Variants in DPYD observed in about 807,000 individuals in gnomAD.
DPYD encodes dihydropyrimidine dehydrogenase [NADP(+)].
A neutral mutation model predicts 116.2 loss-of-function variants in DPYD; 109 were observed. That is an observed-to-expected ratio of 0.94 (90% CI 0.80 to 1.10). The LOEUF (loss-of-function observed/expected upper bound fraction) is 1.10. Ranked by LOEUF, DPYD falls within the 50% of genes least tolerant of loss-of-function variation. The pLI is 0.00. For missense variants in DPYD, 1,302 were observed against 1,254.5 expected (o/e 1.04, Z -0.57); for synonymous variants, 440 against 432.0 (o/e 1.02, Z -0.23).
intron 16 of DPYD, among the ~76,000 whole-genome samples, chr1:97,319,952 CA>C (rs914681749): frequency 1.5e-5 from 2 of 132,020 alleles, no homozygotes; most frequent in African/African-American, 2.8e-5. Context: ...AAATGTAATA[CA>C]GCATATAAAC....
chr1:97,710,808 T>C (rs749103145), intron 5 of DPYD, among the ~76,000 whole-genome samples: 19 of 151,808 alleles, frequency 1.3e-4, no homozygotes, highest in Non-Finnish European at 2.1e-4. Flanking sequence ...TATATTACTA[T>C]GTAGCCTGTC....
At chr1:97,275,144 G>A (rs561664373) in intron 18 of DPYD, among the ~76,000 whole-genome samples, 1 of 152,278 alleles carries the variant, frequency 6.6e-6, no homozygotes, top group African/African-American at 2.4e-5. Context: ...TGGGGCAGTG[G>A]CAGGGGATGG....
intron 13 of DPYD, among the ~76,000 whole-genome samples, chr1:97,510,039 G>A (rs934960829): frequency 3.3e-5 from 5 of 151,416 alleles, no homozygotes; most frequent in Admixed American, 1.3e-4. Context: ...ATTTGGGCAG[G>A]AACAGGCTGA....
chr1:97,285,701 T>TG (rs1491491393), intron 18 of DPYD, among the ~76,000 whole-genome samples: 3 of 134,684 alleles, frequency 2.2e-5, no homozygotes, highest in East Asian at 2.2e-4. Context: ...TTTTTTTTTT[T>TG]GAGACAGGGT....
At chr1:97,555,465 C>T (rs892845460) in intron 11 of DPYD, among the ~76,000 whole-genome samples, 1 of 152,116 alleles carries the variant, frequency 6.6e-6, no homozygotes, top group Non-Finnish European at 1.5e-5. Flanking sequence ...AAACTCAGTT[C>T]ACAAGCTTCC....
chr1:97,371,907 T>G (rs1029151798), intron 16 of DPYD, among the ~76,000 whole-genome samples: 2 of 152,156 alleles, frequency 1.3e-5, no homozygotes, highest in Non-Finnish European at 2.9e-5. Flanking sequence ...TTCCAAGAGT[T>G]TTTAGAAAGC....
intron 3 of DPYD, among the ~76,000 whole-genome samples, chr1:97,744,590 T>C (rs1301806137): frequency 6.6e-6 from 1 of 152,076 alleles, no homozygotes; most frequent in Non-Finnish European, 1.5e-5. Context: ...AATCTATATA[T>C]AATGGCATTA....
intron 14 of DPYD, among the ~76,000 whole-genome samples, chr1:97,427,713 C>A (rs1372662097): frequency 6.6e-6 from 1 of 151,858 alleles, no homozygotes; most frequent in Non-Finnish European, 1.5e-5. Flanking sequence ...AAAAAAATCT[C>A]TCCCTGAAAA....
At chr1:97,567,587 G>T (rs927924224) in intron 11 of DPYD, among the ~76,000 whole-genome samples, 1 of 152,106 alleles carries the variant, frequency 6.6e-6, no homozygotes, top group African/African-American at 2.4e-5. Context: ...GAGCAGTGTG[G>T]TGCAACATGA....
intron 8 of DPYD, among the ~76,000 whole-genome samples, chr1:97,599,658 G>T (rs1315566200): frequency 6.6e-6 from 1 of 151,458 alleles, no homozygotes; most frequent in Non-Finnish European, 1.5e-5. Context: ...ACAAATCCCA[G>T]GTGTGAAGAA....
intron 14 of DPYD, among the ~76,000 whole-genome samples, chr1:97,394,602 G>T (rs1465390632): frequency 6.6e-6 from 1 of 152,036 alleles, no homozygotes; most frequent in East Asian, 1.9e-4. Context: ...TTGAAATATT[G>T]CAAGAATTAC....
At chr1:97,704,415 T>G (rs759450256) in intron 5 of DPYD, among the ~76,000 whole-genome samples, 2 of 152,046 alleles carry the variant, frequency 1.3e-5, no homozygotes, top group East Asian at 3.9e-4. Flanking sequence ...ATAGATTGTG[T>G]AAGTTAAAAA....
chr1:97,717,609 C>T (rs1662685525), intron 5 of DPYD, among the ~76,000 whole-genome samples: 1 of 151,978 alleles, frequency 6.6e-6, no homozygotes, highest in Non-Finnish European at 1.5e-5. Context: ...ATTTCTCTTC[C>T]CCCTAAGTCC....
chr1:97,491,863 A>G (rs552147847), intron 13 of DPYD, among the ~76,000 whole-genome samples: 33 of 152,180 alleles, frequency 2.2e-4, no homozygotes, highest in African/African-American at 7.5e-4. Flanking sequence ...ATAGTAGCAA[A>G]TTCAGCAATT....
At chr1:97,887,788 C>T (rs929856676) in intron 1 of DPYD, among the ~76,000 whole-genome samples, 2 of 151,944 alleles carry the variant, frequency 1.3e-5, no homozygotes, top group East Asian at 2.0e-4. Flanking sequence ...GGGAGGGACC[C>T]GGTGGGAGAT....
At chr1:97,854,304 T>A (rs908266267) in intron 2 of DPYD, among the ~76,000 whole-genome samples, 4 of 152,226 alleles carry the variant, frequency 2.6e-5, no homozygotes, top group Non-Finnish European at 5.9e-5. Flanking sequence ...GAGACTTTAA[T>A]AAGCAGCATC....
At chr1:97,625,075 TG>T (rs1656850631) in intron 8 of DPYD, among the ~76,000 whole-genome samples, 1 of 152,062 alleles carries the variant, frequency 6.6e-6, no homozygotes, top group African/African-American at 2.4e-5. Context: ...AACAGAATAC[TG>T]TACATTTCAA....
chr1:97,775,070 T>G (rs1442769564), intron 3 of DPYD: 1 of 173,648 alleles, frequency 5.8e-6, no homozygotes, highest in African/African-American at 2.4e-5. Flanking sequence ...ATTGCCAGAC[T>G]CATATTATTA....
chr1:97,912,040 C>A (rs1290208832), intron 1 of DPYD, among the ~76,000 whole-genome samples: 1 of 152,052 alleles, frequency 6.6e-6, no homozygotes, highest in Non-Finnish European at 1.5e-5. Flanking sequence ...GATGCCTGCC[C>A]GTTCTGTTAC....
Sources: gnomAD v4.1 joint callset for allele counts (sites outside exome capture counted in the v4.1 genomes callset) on GRCh38, gnomAD v4.1.1 for gene constraint, MANE v1.5 for transcripts, NCBI Gene and HGNC (gene_info 2026-07-23, HGNC 2026-07-21) for gene names.